LRFN2: variants seen among roughly 807,000 people sequenced by gnomAD.
LRFN2 encodes the protein leucine-rich repeat and fibronectin type-III domain-containing protein 2.
LRFN2 carries 18 observed loss-of-function variants against 37.3 expected under a neutral mutation model. That is an observed-to-expected ratio of 0.48 (90% CI 0.33 to 0.72). The LOEUF is 0.72. Among genes scored for constraint, LRFN2 ranks in the 30% least tolerant of loss-of-function variants. The pLI, the probability that LRFN2 is intolerant of heterozygous loss-of-function variation, is 0.02. For missense variants in LRFN2, 1,006 were observed against 1,060.7 expected (o/e 0.95, Z 0.72); for synonymous variants, 556 against 466.6 (o/e 1.19, Z -2.47).
chr6:40,482,715 C>A (rs1260001388), intron 1 of LRFN2, among the ~76,000 whole-genome samples: 2 of 152,252 alleles, frequency 1.3e-5, no homozygotes, highest in African/African-American at 4.8e-5. Context: ...TCTGCACACC[C>A]CTCCGCCCTC....
At chr6:40,580,271 A>C (rs941106624) in intron 1 of LRFN2, among the ~76,000 whole-genome samples, 1 of 152,178 alleles carries the variant, frequency 6.6e-6, no homozygotes, top group Non-Finnish European at 1.5e-5. Context: ...GCTGGAGTTT[A>C]GTGTGAATAA....
chr6:40,401,517 A>C (rs766058227), intron 2 of LRFN2, among the ~76,000 whole-genome samples: 31 of 152,166 alleles, frequency 2.0e-4, no homozygotes, highest in Non-Finnish European at 3.8e-4. Context: ...GACTGTTAGG[A>C]AAGTGAGAAA....
chr6:40,546,431 C>A (rs1184061727), intron 1 of LRFN2, among the ~76,000 whole-genome samples: 2 of 152,180 alleles, frequency 1.3e-5, no homozygotes, highest in Non-Finnish European at 2.9e-5. Context: ...CTTCTTAAAC[C>A]ACCTGATTCA....
At chr6:40,452,540 G>A (rs1046494546) in intron 1 of LRFN2, among the ~76,000 whole-genome samples, 2 of 152,162 alleles carry the variant, frequency 1.3e-5, no homozygotes, top group Non-Finnish European at 2.9e-5. Context: ...GTACATTTCA[G>A]CTTGTGGCCG....
intron 1 of LRFN2, among the ~76,000 whole-genome samples, chr6:40,472,348 C>T (rs993908663): frequency 2.6e-5 from 4 of 152,238 alleles, no homozygotes; most frequent in South Asian, 2.1e-4. Flanking sequence ...TCTCGCAACA[C>T]TTTTCACTGC....
intron 1 of LRFN2, among the ~76,000 whole-genome samples, chr6:40,558,101 G>A (rs915442417): frequency 5.9e-5 from 9 of 152,206 alleles, no homozygotes; most frequent in Admixed American, 2.0e-4. Flanking sequence ...GAGAAGAGGA[G>A]GAGCCTTCTG....
At chr6:40,423,825 T>C (rs6925172) in intron 2 of LRFN2, among the ~76,000 whole-genome samples, 20,441 of 152,194 alleles carry the variant, frequency 0.13, 1,517 homozygotes, top group African/African-American at 0.19. Flanking sequence ...ACTGGTGCTC[T>C]AGCAACAATT....
chr6:40,482,414 C>T (rs1052895366), intron 1 of LRFN2, among the ~76,000 whole-genome samples: 3 of 152,078 alleles, frequency 2.0e-5, no homozygotes, highest in Admixed American at 6.5e-5. Flanking sequence ...GAGCCTCCAC[C>T]ATCCTCAGGG....
At chr6:40,471,470 A>G (rs993670121) in intron 1 of LRFN2, among the ~76,000 whole-genome samples, 3 of 152,146 alleles carry the variant, frequency 2.0e-5, no homozygotes, top group Admixed American at 6.5e-5. Flanking sequence ...TACACACTGA[A>G]CTGCCCTGGG....
intron 1 of LRFN2, among the ~76,000 whole-genome samples, chr6:40,479,267 A>G (rs989532768): frequency 3.3e-5 from 5 of 152,222 alleles, no homozygotes; most frequent in Admixed American, 3.3e-4. Context: ...ACCTCTTGCC[A>G]AAGCACACTT....
Position 40,391,682 on chromosome 6 carries a change from A to G in LRFN2, c.*261T>C. The G allele has an allele frequency of 2.7e-6, 1 of 376,324 alleles. No individual in the cohort carries two copies. The highest frequency in any genetic ancestry group is 4.7e-6 in the Non-Finnish European group (1 of 211,932). The allele number at this position is 376,324 out of a possible 1,614,324, so 23.3% of individuals were successfully genotyped here. A position where few individuals can be genotyped will look rare whatever the true frequency, so the allele number is the denominator to read the frequency against. ...CTTGTAGGCTACATTTGTGATTAGA[A>G]AGGCGGAGTCTCGCCTTTCCAAACA... On this transcript the variant is annotated 3_prime_UTR_variant, in exon 3 of 3. Coordinates refer to ENST00000338305, the MANE Select transcript of LRFN2 (RefSeq NM_020737.3).
chr6:40,492,995 G>A (rs1765128361), intron 1 of LRFN2, among the ~76,000 whole-genome samples: 1 of 152,012 alleles, frequency 6.6e-6, no homozygotes, highest in Non-Finnish European at 1.5e-5. Flanking sequence ...GCAGGTTACA[G>A]GCATGAGGGG....
At chr6:40,506,482 C>T (rs866319600) in intron 1 of LRFN2, among the ~76,000 whole-genome samples, 5 of 152,174 alleles carry the variant, frequency 3.3e-5, no homozygotes, top group South Asian at 2.1e-4. Context: ...TATTCTAGAA[C>T]TGTGACGCTA....
chr6:40,552,397 T>G (rs939353788), intron 1 of LRFN2, among the ~76,000 whole-genome samples: 2 of 152,250 alleles, frequency 1.3e-5, no homozygotes, highest in African/African-American at 2.4e-5. Context: ...GTGATGCCAG[T>G]GCTTCTGCCC....
chr6:40,481,502 C>G (rs1276736294), intron 1 of LRFN2, among the ~76,000 whole-genome samples: 1 of 151,408 alleles, frequency 6.6e-6, no homozygotes, highest in African/African-American at 2.4e-5. Flanking sequence ...GAAAAGCAGT[C>G]CCTGGTTCAG....
chr6:40,431,256 A>G (rs1436424697), intron 2 of LRFN2, among the ~76,000 whole-genome samples: 2 of 152,246 alleles, frequency 1.3e-5, no homozygotes, highest in African/African-American at 2.4e-5. Flanking sequence ...CAAGTGGAAA[A>G]GCCATGATTT....
chr6:40,427,644 C>T (rs1421225059), intron 2 of LRFN2, among the ~76,000 whole-genome samples: 4 of 152,212 alleles, frequency 2.6e-5, no homozygotes, highest in African/African-American at 4.8e-5. Flanking sequence ...GCATTCTTTT[C>T]CAAGGGCTCA....
intron 2 of LRFN2, among the ~76,000 whole-genome samples, chr6:40,397,020 C>G (rs1464740486): frequency 2.0e-5 from 3 of 152,142 alleles, no homozygotes; most frequent in Non-Finnish European, 4.4e-5. Context: ...GGGGCTGAGA[C>G]CAGAACAGGT....
chr6:40,492,089 T>C (rs1464758039), intron 1 of LRFN2, among the ~76,000 whole-genome samples: 2 of 152,182 alleles, frequency 1.3e-5, no homozygotes, highest in Non-Finnish European at 2.9e-5. Flanking sequence ...CCTCTCTGAG[T>C]GTGTTTCCCT....
Sources: gnomAD v4.1 joint callset for allele counts (sites outside exome capture counted in the v4.1 genomes callset) on GRCh38, gnomAD v4.1.1 for gene constraint, MANE v1.5 for transcripts, NCBI Gene and HGNC (gene_info 2026-07-23, HGNC 2026-07-21) for gene names.